The following CSMD1 variants were observed in gnomAD, a reference collection of about 807,000 sequenced individuals.
CSMD1 encodes CUB and Sushi multiple domains 1.
In CSMD1, 213 loss-of-function variants were observed where a neutral mutation model predicts 417.5. The observed-to-expected ratio is 0.51, with a 90% confidence interval of 0.46 to 0.57. The LOEUF (loss-of-function observed/expected upper bound fraction) is 0.57, where lower values mean the gene tolerates loss of function less well. Ranked by LOEUF, CSMD1 falls within the 20% of genes least tolerant of loss-of-function variation. The pLI, the probability that CSMD1 is intolerant of heterozygous loss-of-function variation, is 0.00. For synonymous variants in CSMD1, 2,862 were observed against 1,736.8 expected (o/e 1.65, Z -16.11); for missense variants, 6,923 against 4,529.7 (o/e 1.53, Z -15.17).
At chr8:3,747,733 G>A (rs1048725997) in intron 6 of CSMD1, among the ~76,000 whole-genome samples, 1 of 152,002 alleles carries the variant, frequency 6.6e-6, no homozygotes, top group East Asian at 1.9e-4. Flanking sequence ...TCAGCTTGAT[G>A]GTAAAACAGT....
intron 3 of CSMD1, among the ~76,000 whole-genome samples, chr8:4,405,177 C>G (rs1455770531): frequency 2.0e-5 from 3 of 152,164 alleles, no homozygotes; most frequent in Non-Finnish European, 4.4e-5. Context: ...CACCATAAAT[C>G]CTTTGTCAAC....
intron 10 of CSMD1, among the ~76,000 whole-genome samples, chr8:3,562,577 T>C (rs1259608959): frequency 1.3e-5 from 2 of 152,202 alleles, no homozygotes; most frequent in Admixed American, 1.3e-4. Flanking sequence ...TCCCTTAATA[T>C]GCTTATTTTT....
chr8:4,228,017 C>A (rs1012230386), intron 3 of CSMD1, among the ~76,000 whole-genome samples: 2 of 151,364 alleles, frequency 1.3e-5, no homozygotes, highest in African/African-American at 4.9e-5. Context: ...GGAGACATAC[C>A]CTCCACCCCA....
At chr8:4,571,579 G>C (rs543952622) in intron 2 of CSMD1, among the ~76,000 whole-genome samples, 1 of 152,274 alleles carries the variant, frequency 6.6e-6, no homozygotes, top group African/African-American at 2.4e-5. Flanking sequence ...GTCCATTTTA[G>C]AATAAGTGCT....
At chr8:3,509,067 G>A (rs576402550) in intron 10 of CSMD1, among the ~76,000 whole-genome samples, 176 of 152,266 alleles carry the variant, frequency 1.2e-3, no homozygotes, top group African/African-American at 4.1e-3. Flanking sequence ...CCATGTGCCA[G>A]TTTCCTCCTC....
intron 3 of CSMD1, among the ~76,000 whole-genome samples, chr8:4,410,082 G>C (rs1409149555): frequency 6.6e-6 from 1 of 152,114 alleles, no homozygotes; most frequent in Non-Finnish European, 1.5e-5. Context: ...CCAAAGTGCT[G>C]GGATTACAGC....
intron 1 of CSMD1, among the ~76,000 whole-genome samples, chr8:4,814,232 G>A (rs566152577): frequency 1.3e-5 from 2 of 151,800 alleles, no homozygotes; most frequent in South Asian, 2.1e-4. Flanking sequence ...GTGCGTGTGC[G>A]CATGTGCGCG....
At chr8:3,705,817 A>C (rs928390245) in intron 7 of CSMD1, among the ~76,000 whole-genome samples, 1 of 152,218 alleles carries the variant, frequency 6.6e-6, no homozygotes, top group African/African-American at 2.4e-5. Context: ...GTGAAGCAGA[A>C]GTGGAGAGAC....
At chr8:3,018,009 T>A (rs1809004410) in intron 52 of CSMD1, among the ~76,000 whole-genome samples, 4 of 152,116 alleles carry the variant, frequency 2.6e-5, no homozygotes, top group African/African-American at 9.7e-5. Context: ...TTTCAATCCA[T>A]TTTTTAAATT....
At chr8:3,083,608 T>TTA (rs747356738) in intron 49 of CSMD1, among the ~76,000 whole-genome samples, 18 of 45,002 alleles carry the variant, frequency 4.0e-4, no homozygotes, top group African/African-American at 1.1e-3. Context: ...TTACCATAAT[T>TTA]TTTATATATA....
rs539283896 is a variant in CSMD1 at position 4,702,023 on chromosome 8, C to G, written c.86-64465G>C. Among the ~76,000 whole-genome samples the G allele has an allele frequency of 1.1e-4, 16 of 152,300 alleles. No individual in the cohort carries two copies. In the East Asian group the frequency reaches 2.9e-3, roughly 28 times the overall value. On this transcript the variant is annotated intron_variant, in intron 1 of 69. Transcript: ENST00000635120. ...TAACTCAGGAACAGAAAACCAAACA[C>G]CGCATCTTCTCACTTATAAGTGGGA...
At chr8:3,488,387 C>A (rs1300135138) in intron 11 of CSMD1, among the ~76,000 whole-genome samples, 1 of 152,076 alleles carries the variant, frequency 6.6e-6, no homozygotes, top group Non-Finnish European at 1.5e-5. Context: ...GGATTATAGG[C>A]GTATACCAGC....
intron 3 of CSMD1, among the ~76,000 whole-genome samples, chr8:4,044,159 G>C (rs1285212296): frequency 6.6e-6 from 1 of 152,172 alleles, no homozygotes; most frequent in East Asian, 1.9e-4. Flanking sequence ...AAGAAGATGA[G>C]AGTTGGGGTG....
In CSMD1 at chr8:3,384,230, T is replaced by G. The variant is rs1159983354; in HGVS notation, c.2782+3264A>C. The stretch of plus-strand genomic sequence containing the variant: ...TAAAAAATGGTTGTCTGAGAGATAG[T>G]CTAAATTTTCACATAATAATTTTAA... On this transcript the variant is annotated intron_variant, in intron 18 of 69. Transcript: ENST00000635120. Among the ~76,000 whole-genome samples the G allele has an allele frequency of 3.3e-5, 5 of 152,184 alleles. No homozygotes were observed. The East Asian group carries it at 5.8e-4, about 18-fold the overall frequency.
intron 3 of CSMD1, among the ~76,000 whole-genome samples, chr8:4,396,254 G>A (rs1011621627): frequency 2.0e-5 from 3 of 151,888 alleles, no homozygotes; most frequent in South Asian, 2.1e-4. Context: ...TTGAGCCCAG[G>A]TGTTTGAGAC....
At chr8:4,515,655 C>A (rs1257673850) in intron 2 of CSMD1, among the ~76,000 whole-genome samples, 1 of 152,026 alleles carries the variant, frequency 6.6e-6, no homozygotes, top group East Asian at 1.9e-4. Context: ...GAACGGATTC[C>A]CTCTAGGGTG....
chr8:3,306,975 CTTTTA>C (rs1219200644), intron 25 of CSMD1, among the ~76,000 whole-genome samples: 5 of 152,052 alleles, frequency 3.3e-5, no homozygotes, highest in Non-Finnish European at 5.9e-5. Flanking sequence ...CAATGATTTT[CTTTTA>C]TATGTGTTAC....
rs79014782 is a variant in CSMD1 at position 4,341,129 on chromosome 8, T to C, written c.415+78824A>G. ...CATTTCCAATACATCGTTGCCTAGGTAACAAGGCCTATCCAAGCATTTTGA... is the reference window on the plus strand; with the variant it reads ...CATTTCCAATACATCGTTGCCTAGGCAACAAGGCCTATCCAAGCATTTTGA... On this transcript the variant is annotated intron_variant, in intron 3 of 69. Transcript: ENST00000635120. 1.6e-3 allele frequency among the ~76,000 whole-genome samples: 248 copies of C among 152,200 alleles called. 6 individuals are homozygous for C. The East Asian group carries it at 0.044, about 27-fold the overall frequency.
At chr8:4,079,960 A>G (rs1431963233) in intron 3 of CSMD1, among the ~76,000 whole-genome samples, 1 of 152,024 alleles carries the variant, frequency 6.6e-6, no homozygotes, top group Non-Finnish European at 1.5e-5. Context: ...AAATAATATA[A>G]AAAATAATTT....
Sources: gnomAD v4.1 joint callset for allele counts (sites outside exome capture counted in the v4.1 genomes callset) on GRCh38, gnomAD v4.1.1 for gene constraint, MANE v1.5 for transcripts, NCBI Gene and HGNC (gene_info 2026-07-23, HGNC 2026-07-21) for gene names.